The following KCNK10 variants were observed in gnomAD, a reference collection of about 807,000 sequenced individuals.
The protein encoded by KCNK10 is potassium two pore domain channel subfamily K member 10, also known as potassium channel subfamily K member 10.
KCNK10 carries 25 observed loss-of-function variants against 47.7 expected under a neutral mutation model. The ratio of observed to expected loss-of-function variants is 0.52; its 90% CI spans 0.38 to 0.73. The LOEUF (loss-of-function observed/expected upper bound fraction) is 0.73, where lower values mean the gene tolerates loss of function less well. Ranked by LOEUF, KCNK10 falls within the 30% of genes least tolerant of loss-of-function variation. The pLI, the probability that KCNK10 is intolerant of heterozygous loss-of-function variation, is 0.00. For missense variants in KCNK10, 563 were observed against 714.5 expected, an observed-to-expected ratio of 0.79 and a Z score of 2.42; for synonymous variants, 303 against 285.6, an observed-to-expected ratio of 1.06 and a Z score of -0.61.
intron 4 of KCNK10, among the ~76,000 whole-genome samples, chr14:88,204,363 C>T (rs1212062053): frequency 6.6e-6 from 1 of 152,164 alleles, no homozygotes; most frequent in African/African-American, 2.4e-5. Context: ...AGATAATCCC[C>T]ATGGTAACAT....
chr14:88,310,300 G>T (rs1042001851), intron 1 of KCNK10, among the ~76,000 whole-genome samples: 1 of 110,180 alleles, frequency 9.1e-6, no homozygotes, highest in African/African-American at 3.8e-5. Flanking sequence ...TGTCTCAGTG[G>T]CTAGGCTGTG....
rs1595064359 is a variant in KCNK10, at chr14:88,181,092, A to G, written c.*4443T>C. The G allele has an allele frequency of 2.9e-6, 1 of 350,606 alleles. No individual in the cohort carries two copies. The highest frequency in any genetic ancestry group is 4.7e-5 in the Admixed American group (1 of 21,192). 21.7% of individuals were successfully genotyped at this position (350,606 alleles called of 1,614,324 possible). A position where few individuals can be genotyped will look rare whatever the true frequency, so the allele number is the denominator to read the frequency against. On this transcript the variant is annotated 3_prime_UTR_variant, in exon 7 of 7. Coordinates refer to ENST00000319231, the MANE Select transcript of KCNK10 (RefSeq NM_138317.3). ...TGGCTGGTTTTTCCTTTCTCGTTTT[A>G]CAGGGGCTCTGAATGTTTGTTTTCC...
At chr14:88,302,403 G>A (rs1283824736) in intron 1 of KCNK10, among the ~76,000 whole-genome samples, 1 of 152,096 alleles carries the variant, frequency 6.6e-6, no homozygotes, top group African/African-American at 2.4e-5. Flanking sequence ...GGAGTGGCCA[G>A]AAAAGTTAAA....
At chr14:88,211,379 C>T (rs187865950) in intron 4 of KCNK10, among the ~76,000 whole-genome samples, 51 of 152,268 alleles carry the variant, frequency 3.3e-4, no homozygotes, top group African/African-American at 1.1e-3. Context: ...TATTATTGAA[C>T]AGACTCAGAG....
At chr14:88,225,388 G>A (rs966625336) in intron 4 of KCNK10, among the ~76,000 whole-genome samples, 4 of 152,146 alleles carry the variant, frequency 2.6e-5, no homozygotes, top group African/African-American at 7.2e-5. Flanking sequence ...GAGCTGAGTG[G>A]ACAATCAGCA....
intron 1 of KCNK10, among the ~76,000 whole-genome samples, chr14:88,277,903 T>C (rs1268059186): frequency 6.6e-6 from 1 of 152,220 alleles, no homozygotes; most frequent in Non-Finnish European, 1.5e-5. Context: ...TAAGTTCCTC[T>C]AGATGCCCCT....
chr14:88,213,476 A>C (rs1294475072), intron 4 of KCNK10, among the ~76,000 whole-genome samples: 2 of 152,224 alleles, frequency 1.3e-5, no homozygotes. Flanking sequence ...GTGATTGCTA[A>C]TAGAATTCTT....
chr14:88,202,103 A>T (rs960352228), intron 4 of KCNK10, among the ~76,000 whole-genome samples: 2 of 152,222 alleles, frequency 1.3e-5, no homozygotes, highest in Non-Finnish European at 2.9e-5. Flanking sequence ...TGAGAATCTA[A>T]AAGCAACAAA....
intron 1 of KCNK10, among the ~76,000 whole-genome samples, chr14:88,294,468 G>C (rs986748643): frequency 6.6e-6 from 1 of 152,242 alleles, no homozygotes; most frequent in East Asian, 1.9e-4. Flanking sequence ...CCTAGATTGA[G>C]CTTTGCCTGG....
intron 4 of KCNK10, among the ~76,000 whole-genome samples, chr14:88,222,773 C>T (rs1288216856): frequency 2.0e-5 from 3 of 152,072 alleles, no homozygotes; most frequent in Non-Finnish European, 4.4e-5. Flanking sequence ...TGGGTGAAAA[C>T]GTGCTATTTG....
chr14:88,307,056 T>C lies in KCNK10; in HGVS notation c.52+15691A>G, dbSNP rs149277723. On this transcript the variant is annotated intron_variant, in intron 1 of 6. Transcript: ENST00000319231. ...TCTATAGAAATGGTGTTCAGCATGA[T>C]GCAGAGGTCCAACCAGAGACCAGTG... Among the ~76,000 whole-genome samples the C allele has an allele frequency of 9.0e-3, 1,367 of 152,254 alleles. 22 individuals carry two copies. The highest frequency in any genetic ancestry group is 0.032 in the African/African-American group (1,314 of 41,546).
chr14:88,310,717 C>T (rs1888310816), intron 1 of KCNK10, among the ~76,000 whole-genome samples: 1 of 152,086 alleles, frequency 6.6e-6, no homozygotes, highest in African/African-American at 2.4e-5. Flanking sequence ...CAAGCTGAGG[C>T]CACAAGAACA....
chr14:88,218,214 G>T (rs1309353336), intron 4 of KCNK10, among the ~76,000 whole-genome samples: 1 of 152,142 alleles, frequency 6.6e-6, no homozygotes, highest in East Asian at 1.9e-4. Context: ...CTAGCTCAAA[G>T]ATGCCTTGGG....
intron 4 of KCNK10, among the ~76,000 whole-genome samples, chr14:88,194,725 A>T (rs1227991365): frequency 6.6e-6 from 1 of 152,160 alleles, no homozygotes; most frequent in Non-Finnish European, 1.5e-5. Flanking sequence ...TGCATCATCT[A>T]CTGGAGACTT....
intron 3 of KCNK10, among the ~76,000 whole-genome samples, chr14:88,234,838 C>A (rs79461726): frequency 0.021 from 3,160 of 152,196 alleles, 64 homozygotes; most frequent in African/African-American, 0.047. Context: ...TCCAGAGATT[C>A]CAGCATATGT....
In KCNK10 at chr14:88,256,671, A is replaced by G. The variant is rs565379974; in HGVS notation, c.402+6531T>C. ...CTCTGCACTTGAACAGTAGAAATAA[A>G]ATTTTTCTATGAGAAAATCCAGAGT... On this transcript the variant is annotated intron_variant, in intron 2 of 6. Coordinates refer to ENST00000319231, the MANE Select transcript of KCNK10 (RefSeq NM_138317.3). Among the ~76,000 whole-genome samples, 4 of 151,896 alleles carry G rather than the reference A, an allele frequency of 2.6e-5. No homozygotes were observed. The East Asian group carries it at 7.7e-4, about 29-fold the overall frequency.
chr14:88,189,224 C>A (rs1884669790), intron 5 of KCNK10, among the ~76,000 whole-genome samples: 1 of 152,190 alleles, frequency 6.6e-6, no homozygotes, highest in Non-Finnish European at 1.5e-5. Flanking sequence ...CAATCAGCAA[C>A]ACAGCGCAGC....
chr14:88,228,256 C>T (rs1886050714), intron 3 of KCNK10, among the ~76,000 whole-genome samples: 1 of 152,146 alleles, frequency 6.6e-6, no homozygotes, highest in South Asian at 2.1e-4. Flanking sequence ...TGTTTGAATA[C>T]AAGAGAATCT....
chr14:88,286,794 C>T (rs1442596469), intron 1 of KCNK10, among the ~76,000 whole-genome samples: 1 of 152,032 alleles, frequency 6.6e-6, no homozygotes, highest in African/African-American at 2.4e-5. Context: ...ATGGGGGAAC[C>T]GCCCCCATGA....
Sources: gnomAD v4.1 joint callset for allele counts (sites outside exome capture counted in the v4.1 genomes callset) on GRCh38, gnomAD v4.1.1 for gene constraint, MANE v1.5 for transcripts, NCBI Gene and HGNC (gene_info 2026-07-23, HGNC 2026-07-21) for gene names.